WWOX: variants seen among roughly 807,000 people sequenced by gnomAD.
WWOX encodes WW domain containing oxidoreductase.
Under a neutral mutation model 46.2 loss-of-function variants are expected in WWOX, and 69 were observed. That is an observed-to-expected ratio of 1.49 (90% confidence interval 1.23 to 1.82). The LOEUF (loss-of-function observed/expected upper bound fraction) is 1.82. Ranked by LOEUF, WWOX falls within the 40% of genes most tolerant of loss-of-function variation. The pLI, the probability that WWOX is intolerant of heterozygous loss-of-function variation, is 0.00. For synonymous variants in WWOX, 359 were observed against 202.6 expected (o/e 1.77, Z -6.56); for missense variants, 919 against 542.6 (o/e 1.69, Z -6.89).
chr16:78,788,036 G>C (rs976838568), intron 8 of WWOX, among the ~76,000 whole-genome samples: 1 of 152,008 alleles, frequency 6.6e-6, no homozygotes. Context: ...TATATATTTT[G>C]GATACTAGAC....
intron 8 of WWOX, chr16:78,551,287 T>G (rs1335111959): frequency 6.6e-6 from 1 of 152,218 alleles, no homozygotes; most frequent in Admixed American, 6.5e-5. Context: ...CTGGGTGATC[T>G]TTAGATATCT....
intron 6 of WWOX, among the ~76,000 whole-genome samples, chr16:78,396,787 G>T (rs2082297969): frequency 6.6e-6 from 1 of 152,200 alleles, no homozygotes; most frequent in African/African-American, 2.4e-5. Flanking sequence ...TGAATACATT[G>T]TTGAGTGTTA....
intron 8 of WWOX, among the ~76,000 whole-genome samples, chr16:78,489,149 A>G (rs558114603): frequency 1.3e-5 from 2 of 152,294 alleles, no homozygotes; most frequent in East Asian, 3.9e-4. Context: ...TAAGTTTTTT[A>G]TAGGAGTCAT....
chr16:78,132,985 G>A (rs2033655550), intron 4 of WWOX, among the ~76,000 whole-genome samples: 1 of 152,168 alleles, frequency 6.6e-6, no homozygotes, highest in African/African-American at 2.4e-5. Flanking sequence ...AAGGCTGCAG[G>A]GAAAGCGGTC....
intron 8 of WWOX, among the ~76,000 whole-genome samples, chr16:79,145,186 A>G (rs549906056): frequency 7.2e-5 from 11 of 152,250 alleles, no homozygotes; most frequent in Admixed American, 4.6e-4. Flanking sequence ...TTTATTCTCT[A>G]TCAGTGTAAT....
chr16:78,469,397 G>A (rs1217098994), intron 8 of WWOX, among the ~76,000 whole-genome samples: 2 of 151,846 alleles, frequency 1.3e-5, no homozygotes, highest in African/African-American at 4.9e-5. Context: ...CTTCACAGGA[G>A]CACTTGGAGA....
chr16:78,691,340 T>C (rs1476926831), intron 8 of WWOX: 9 of 696,742 alleles, frequency 1.3e-5, no homozygotes, highest in Non-Finnish European at 2.1e-5. Context: ...ATTTTCAACA[T>C]AGCTTTATCT....
chr16:78,983,307 A>C (rs78228098), intron 8 of WWOX, among the ~76,000 whole-genome samples: 2 of 152,218 alleles, frequency 1.3e-5, no homozygotes, highest in Admixed American at 6.5e-5. Flanking sequence ...GAGTAGAATC[A>C]GGAACCAGGG....
chr16:78,147,699 A>T (rs1312221080), intron 4 of WWOX, among the ~76,000 whole-genome samples: 154 of 76,844 alleles, frequency 2.0e-3, no homozygotes, highest in African/African-American at 6.6e-3. Context: ...TTTTTTTTAA[A>T]AAAAAAAAAG....
intron 8 of WWOX, among the ~76,000 whole-genome samples, chr16:78,953,775 T>C (rs2151304773): frequency 6.6e-6 from 1 of 152,352 alleles, no homozygotes; most frequent in East Asian, 1.9e-4. Context: ...AGCCAGACGT[T>C]CTGTCTCAGC....
At chr16:78,859,027 AATATATATATATATATATATATGT>A (rs1401866742) in intron 8 of WWOX, among the ~76,000 whole-genome samples, 39 of 23,624 alleles carry the variant, frequency 1.7e-3, no homozygotes, top group African/African-American at 4.5e-3. Context: ...AAAAAAAAAA[AATATATATATATATATATATATGT>A]ATATATATAT....
At chr16:78,152,362 G>T (rs373516956) in intron 4 of WWOX, among the ~76,000 whole-genome samples, 1 of 150,032 alleles carries the variant, frequency 6.7e-6, no homozygotes, top group Non-Finnish European at 1.5e-5. Flanking sequence ...AGATAATGCC[G>T]TACTGAATAT....
At chr16:78,410,061 C>T (rs116605131) in intron 6 of WWOX, among the ~76,000 whole-genome samples, 389 of 152,300 alleles carry the variant, frequency 2.6e-3, no homozygotes, top group African/African-American at 7.6e-3. Context: ...GCATGACTTA[C>T]GGCCATCCCT....
intron 6 of WWOX, among the ~76,000 whole-genome samples, chr16:78,418,089 G>A (rs561196568): frequency 2.0e-5 from 3 of 152,282 alleles, no homozygotes; most frequent in South Asian, 2.1e-4. Context: ...GGCCGGGAAC[G>A]GTGGCTCACG....
intron 8 of WWOX, among the ~76,000 whole-genome samples, chr16:79,041,674 C>T (rs1237674186): frequency 6.6e-6 from 1 of 152,116 alleles, no homozygotes; most frequent in Non-Finnish European, 1.5e-5. Flanking sequence ...AAGACAGAAG[C>T]CATCACTGCA....
intron 8 of WWOX, among the ~76,000 whole-genome samples, chr16:78,606,288 C>G (rs2287951): frequency 0.76 from 115,390 of 152,090 alleles, 44,309 homozygotes; most frequent in Admixed American, 0.82. Context: ...AAGTTTAGCA[C>G]ATTTAAAATT....
At chr16:79,209,232 G>A (rs768735068) in intron 8 of WWOX, among the ~76,000 whole-genome samples, 4 of 152,332 alleles carry the variant, frequency 2.6e-5, no homozygotes, top group African/African-American at 9.6e-5. Flanking sequence ...TTTAGATTCC[G>A]TGGAAGGAAA....
chr16:78,897,242 A>AG (rs2044722555), intron 8 of WWOX: 1 of 140,036 alleles, frequency 7.1e-6, no homozygotes, highest in Non-Finnish European at 1.5e-5. Context: ...ACTGTCTTTA[A>AG]AAAAAAAAAA....
At chr16:79,036,682 C>G (rs181002903) in intron 8 of WWOX, among the ~76,000 whole-genome samples, 2 of 152,336 alleles carry the variant, frequency 1.3e-5, no homozygotes, top group African/African-American at 2.4e-5. Flanking sequence ...GAGGCTGTAC[C>G]TGCACTTGAT....
Sources: gnomAD v4.1 joint callset for allele counts (sites outside exome capture counted in the v4.1 genomes callset) on GRCh38, gnomAD v4.1.1 for gene constraint, MANE v1.5 for transcripts, NCBI Gene and HGNC (gene_info 2026-07-23, HGNC 2026-07-21) for gene names.